The following THAP4 variants were observed in gnomAD, a reference collection of about 807,000 sequenced individuals.
THAP4 encodes THAP domain containing 4, also known as peroxynitrite isomerase THAP4.
THAP4 carries 18 observed loss-of-function variants against 48.1 expected under a neutral mutation model. That is an observed-to-expected ratio of 0.37 (90% CI 0.26 to 0.56). THAP4 has a LOEUF of 0.56. Among genes scored for constraint, THAP4 ranks in the 20% least tolerant of loss-of-function variants. THAP4 has a pLI of 0.78. For missense variants in THAP4, 656 were observed against 774.9 expected (o/e 0.85, Z 1.82); for synonymous variants, 345 against 324.9 (o/e 1.06, Z -0.66).
intron 5 of THAP4, among the ~76,000 whole-genome samples, chr2:241,589,282 T>C (rs1188004456): frequency 1.7e-5 from 2 of 114,718 alleles, no homozygotes; most frequent in Non-Finnish European, 3.4e-5. Flanking sequence ...GTTCTTCAAA[T>C]GGTACTGTCT....
At chr2:241,586,794 T>C (rs1489769897) in intron 5 of THAP4, among the ~76,000 whole-genome samples, 1 of 152,102 alleles carries the variant, frequency 6.6e-6, no homozygotes, top group Non-Finnish European at 1.5e-5. Flanking sequence ...GTAGGAAATA[T>C]CCACATTGAA....
At chr2:241,615,420 C>T (rs2125087161) in intron 2 of THAP4, among the ~76,000 whole-genome samples, 1 of 152,200 alleles carries the variant, frequency 6.6e-6, no homozygotes, top group East Asian at 1.9e-4. Context: ...GCATTTTATC[C>T]CAAGAGTGTT....
At chr2:241,625,819 A>AAAAAAG (rs1559233380) in intron 2 of THAP4, among the ~76,000 whole-genome samples, 3 of 140,692 alleles carry the variant, frequency 2.1e-5, no homozygotes, top group African/African-American at 8.4e-5. Flanking sequence ...AAAAAAAAAA[A>AAAAAAG]AAAAAGAAAA....
At chr2:241,628,673 T>C (rs1469390263) in intron 2 of THAP4, among the ~76,000 whole-genome samples, 1 of 151,420 alleles carries the variant, frequency 6.6e-6, no homozygotes. Flanking sequence ...AGGATTTTTT[T>C]TTTTTAAAGT....
intron 1 of THAP4, among the ~76,000 whole-genome samples, chr2:241,635,118 A>C (rs1007648129): frequency 5.3e-5 from 8 of 152,222 alleles, no homozygotes; most frequent in Admixed American, 4.6e-4. Flanking sequence ...TGAATTGTAC[A>C]CTGAAAAAGC....
At chr2:241,637,233 G>C, upstream of THAP4, 1 of 1,007,744 alleles carries the variant, frequency 9.9e-7, no homozygotes, top group African/African-American at 1.7e-5. Flanking sequence ...GCGGGTTCGG[G>C]CGTCTTCGGA....
intron 2 of THAP4, chr2:241,617,427 C>G (rs2125088493): frequency 6.4e-7 from 1 of 1,551,452 alleles, no homozygotes. Context: ...CCTAAGTTTT[C>G]TAAACTCCGG....
intron 5 of THAP4, among the ~76,000 whole-genome samples, chr2:241,593,031 C>T (rs1197464355): frequency 6.6e-6 from 1 of 152,116 alleles, no homozygotes; most frequent in Non-Finnish European, 1.5e-5. Context: ...TCACTTGAGG[C>T]CATGAGTTTG....
chr2:241,600,744 A>G (rs1257203990), intron 5 of THAP4, among the ~76,000 whole-genome samples: 2 of 148,062 alleles, frequency 1.4e-5, no homozygotes, highest in Non-Finnish European at 1.5e-5. Context: ...AAAAAAAAAA[A>G]GAAAGAAAAT....
intron 2 of THAP4, among the ~76,000 whole-genome samples, chr2:241,620,465 G>GGGTGAGTGAGTT (rs2125091275): frequency 7.2e-6 from 1 of 138,368 alleles, no homozygotes; most frequent in South Asian, 2.5e-4. Flanking sequence ...GATGAGTGAG[G>GGGTGAGTGAGTT]GGTGAGTGAG....
chr2:241,599,774 T>C (rs2125074620), intron 5 of THAP4, among the ~76,000 whole-genome samples: 1 of 152,250 alleles, frequency 6.6e-6, no homozygotes, highest in East Asian at 1.9e-4. Flanking sequence ...CAAAAGTTCA[T>C]CTAGAAGAGG....
rs557057402 is a variant in THAP4, at chr2:241,616,523, G to A, written c.1241-10050C>T. On this transcript the variant is annotated intron_variant, in intron 2 of 5. Coordinates refer to ENST00000407315, the MANE Select transcript of THAP4 (RefSeq NM_015963.6). This position sits in a 1 kb window ranked among gnomAD's most constrained non-coding sequence, Gnocchi z 4.6. Reference sequence around the variant, plus strand: ...AGTGGACTTTGCTATGTGCATGCCAGGTCAGGGAAGCAAGTCCCGCGGGCC... The same window carrying A: ...AGTGGACTTTGCTATGTGCATGCCAAGTCAGGGAAGCAAGTCCCGCGGGCC... 3.9e-5 allele frequency among the ~76,000 whole-genome samples: 6 copies of A among 152,304 alleles called. No homozygotes were observed. The highest frequency in any genetic ancestry group is 8.8e-5 in the Non-Finnish European group (6 of 68,036).
Position 241,623,285 on chromosome 2 carries a change from A to C in THAP4, c.1240+9632T>G, listed in dbSNP as rs532859183. Among the ~76,000 whole-genome samples, 497 of 151,868 alleles carry C rather than the reference A, an allele frequency of 3.3e-3. 2 individuals are homozygous for C. The highest frequency in any genetic ancestry group is 9.8e-3 in the African/African-American group (405 of 41,410). On this transcript the variant is annotated intron_variant, in intron 2 of 5. Coordinates refer to ENST00000407315, the MANE Select transcript of THAP4 (RefSeq NM_015963.6). ...ACTTTGAATATAAAAACATAGATTA[A>C]AAGTAAAGGGATAGGCCAGCATGGT...
At chr2:241,608,018 G>C (rs113064470) in intron 2 of THAP4, among the ~76,000 whole-genome samples, 1 of 150,734 alleles carries the variant, frequency 6.6e-6, no homozygotes, top group African/African-American at 2.4e-5. Context: ...CCAGGCCCGC[G>C]CAAGCAGAAG....
intron 4 of THAP4, 137 bp downstream of exon 4, chr2:241,602,833 A>G (rs1271363170): frequency 1.2e-5 from 8 of 684,970 alleles, no homozygotes; most frequent in Non-Finnish European, 2.0e-5. Flanking sequence ...ACCACTCTCA[A>G]CACTCAGGGC....
At chr2:241,595,944 C>T (rs2067041336) in intron 5 of THAP4, among the ~76,000 whole-genome samples, 1 of 152,168 alleles carries the variant, frequency 6.6e-6, no homozygotes, top group Admixed American at 6.5e-5. Flanking sequence ...CGCTACAATG[C>T]GATGCTGGGC....
rs1575029560 is a variant in THAP4 at position 241,612,240 on chromosome 2, G to C, written c.1241-5767C>G. Among the ~76,000 whole-genome samples the C allele has an allele frequency of 6.6e-6, 1 of 152,254 alleles. No individual in the cohort carries two copies. Among genetic ancestry groups the C allele is most frequent in the Admixed American group, 6.5e-5 (1 of 15,286 alleles). On this transcript the variant is annotated intron_variant, in intron 2 of 5. Transcript: ENST00000407315. The surrounding 1 kb of genome is among the most constrained non-coding windows in gnomAD (Gnocchi z 4.1). ...ACACCGGGAAACACAGCGGAACACAGAGGACAGAAATGAGTTAAAAAAAAA... is the reference window on the plus strand; with the variant it reads ...ACACCGGGAAACACAGCGGAACACACAGGACAGAAATGAGTTAAAAAAAAA...
chr2:241,636,436 G>A (rs1330120910), intron 1 of THAP4, among the ~76,000 whole-genome samples: 1 of 152,198 alleles, frequency 6.6e-6, no homozygotes, highest in Admixed American at 6.5e-5. Flanking sequence ...CTAAGGGAGC[G>A]CAGGAGGATG....
intron 2 of THAP4, among the ~76,000 whole-genome samples, chr2:241,625,311 C>T (rs1054579914): frequency 5.3e-5 from 8 of 151,388 alleles, no homozygotes; most frequent in African/African-American, 1.7e-4. Context: ...CCTGTCTGTA[C>T]AAAAATATTA....
Sources: gnomAD v4.1 joint callset for allele counts (sites outside exome capture counted in the v4.1 genomes callset) on GRCh38, gnomAD v4.1.1 for gene constraint, Gnocchi (gnomAD v3.1) non-coding constraint, MANE v1.5 for transcripts, NCBI Gene and HGNC (gene_info 2026-07-23, HGNC 2026-07-21) for gene names.